The following PPM1A variants were observed in gnomAD, a reference collection of about 807,000 sequenced individuals.
PPM1A encodes protein phosphatase 1A.
In PPM1A, 7 loss-of-function variants were observed where a neutral mutation model predicts 35.0. The ratio of observed to expected loss-of-function variants is 0.20; its 90% confidence interval spans 0.11 to 0.38. PPM1A has a LOEUF of 0.38. PPM1A is among the 10% of genes least tolerant of loss of function. PPM1A has a pLI of 1.00. For synonymous variants in PPM1A, 153 were observed against 167.3 expected, an observed-to-expected ratio of 0.91 and a Z score of 0.66; for missense variants, 239 against 467.8, an observed-to-expected ratio of 0.51 and a Z score of 4.51.
upstream of PPM1A, among the ~76,000 whole-genome samples, chr14:60,247,159 A>T (rs1315395170): frequency 1.3e-5 from 2 of 152,184 alleles, no homozygotes; most frequent in Non-Finnish European, 2.9e-5. Context: ...ACTTGCCTGG[A>T]GTATTAAGGA....
intron 1 of PPM1A, among the ~76,000 whole-genome samples, chr14:60,274,480 C>T (rs974529327): frequency 1.3e-4 from 19 of 151,590 alleles, no homozygotes; most frequent in South Asian, 2.1e-4. Context: ...AGTCACACTC[C>T]AACTGAGAAA....
chr14:60,294,667 G>C lies in PPM1A; in HGVS notation c.*2185G>C, dbSNP rs944070237. The C allele has an allele frequency of 2.6e-5, 4 of 151,524 alleles. No individual in the cohort carries two copies. The highest frequency in any genetic ancestry group is 5.9e-5 in the Non-Finnish European group (4 of 67,748). 9.4% of individuals were successfully genotyped at this position (151,524 alleles called of 1,614,324 possible). A position where few individuals can be genotyped will look rare whatever the true frequency, so the allele number is the denominator to read the frequency against. ...ATGCAAAACTTAAGTCACAAGTAGA[G>C]TATGTGATGGAAAGCTGTATTTCAA... is the stretch of plus-strand genomic sequence containing the variant. On this transcript the variant is annotated 3_prime_UTR_variant, in exon 6 of 6. Transcript: ENST00000395076.
At chr14:60,264,901 C>T (rs1341650599) in intron 1 of PPM1A, among the ~76,000 whole-genome samples, 1 of 151,808 alleles carries the variant, frequency 6.6e-6, no homozygotes, top group East Asian at 1.9e-4. Context: ...ATTGTGGCTT[C>T]CTTTTAACAT....
At chr14:60,250,349 T>G in intron 1 of PPM1A, 1 of 792,688 alleles carries the variant, frequency 1.3e-6, no homozygotes. Context: ...TGTTAGAGCT[T>G]GGTTGAGGTA....
intron 1 of PPM1A, among the ~76,000 whole-genome samples, chr14:60,271,783 GT>G (rs760442840): frequency 8.2e-5 from 12 of 147,080 alleles, no homozygotes; most frequent in Admixed American, 1.4e-4. Flanking sequence ...AGAATAAGAG[GT>G]TTTTTTTTTA....
intron 1 of PPM1A, among the ~76,000 whole-genome samples, chr14:60,265,594 G>C (rs1595298519): frequency 6.6e-6 from 1 of 152,282 alleles, no homozygotes; most frequent in Middle Eastern, 3.4e-3. Flanking sequence ...AAATCCATTT[G>C]GTTGGAAGTT....
chr14:60,287,943 T>C, intron 3 of PPM1A: 1 of 985,232 alleles, frequency 1.0e-6, no homozygotes, highest in South Asian at 4.7e-5. Flanking sequence ...TTTGTGTATA[T>C]GTATGTGAAA....
chr14:60,274,110 C>T (rs2139466712), intron 1 of PPM1A, among the ~76,000 whole-genome samples: 1 of 152,186 alleles, frequency 6.6e-6, no homozygotes, highest in South Asian at 2.1e-4. Flanking sequence ...TGTTTAATGG[C>T]TTGGGAGATG....
At position 60,282,570 on chromosome 14, in the gene PPM1A, G is replaced by C; in HGVS notation, c.-20-114G>C. 1 of 1,311,702 alleles carries C rather than the reference G, an allele frequency of 7.6e-7. No homozygotes were observed. The highest frequency in any genetic ancestry group is 1.5e-5 in the South Asian group (1 of 67,026). The allele number at this position is 1,311,702 out of a possible 1,614,324, so 81.3% of individuals were successfully genotyped here. ...CAAGTCAGCAACACAATGAATGTCT[G>C]CTTATCGCGAGTTGTGAATTCCCGC... On this transcript the variant is annotated intron_variant, in intron 1 of 5. Transcript: ENST00000395076. This position sits in a 1 kb window ranked among gnomAD's most constrained non-coding sequence, Gnocchi z 5.1.
intron 1 of PPM1A, among the ~76,000 whole-genome samples, chr14:60,255,169 TTTTTGTTTTGTTTTG>T (rs1327326200): frequency 1.9e-5 from 2 of 106,832 alleles, no homozygotes; most frequent in Non-Finnish European, 3.4e-5. Flanking sequence ...GTTTTTTTTT[TTTTTGTTTTGTTTTG>T]TTTTTGAGAC....
chr14:60,282,666 G>A lies in PPM1A; in HGVS notation c.-20-18G>A, dbSNP rs1041363154. ...TTATAAGACAGTTATTGACTTTCCT[G>A]TTTCTCTTCCTTTGCAGACCTAGAG... On this transcript the variant is annotated intron_variant, in intron 1 of 5. Transcript: ENST00000395076. This position sits in a 1 kb window ranked among gnomAD's most constrained non-coding sequence, Gnocchi z 5.1. 1.2e-6 allele frequency: 2 copies of A among 1,603,354 alleles called. No homozygotes were observed. Among genetic ancestry groups the A allele is most frequent in the Non-Finnish European group, 8.5e-7 (1 of 1,173,818 alleles).
chr14:60,264,917 A>T (rs1318047598), intron 1 of PPM1A, among the ~76,000 whole-genome samples: 1 of 151,864 alleles, frequency 6.6e-6, no homozygotes, highest in Non-Finnish European at 1.5e-5. Flanking sequence ...AACATTTGAA[A>T]TTATTTTCAG....
rs143413624 is a variant in PPM1A, at chr14:60,287,906, G to A, written c.953-1900G>A. ...CTGATAGAATCCCTGAAACTTGGTG[G>A]AGGGGAGTGGAAAGGAGCAGAATGT... On this transcript the variant is annotated intron_variant, in intron 3 of 5. Transcript: ENST00000395076. The A allele has an allele frequency of 4.5e-4, 444 of 985,296 alleles. 1 individual carries two copies. In the African/African-American group the frequency reaches 6.7e-3, roughly 15 times the overall value. The allele number at this position is 985,296 out of a possible 1,614,324, so 61.0% of individuals were successfully genotyped here.
At chr14:60,269,825 A>G (rs989902831) in intron 1 of PPM1A, among the ~76,000 whole-genome samples, 2 of 152,208 alleles carry the variant, frequency 1.3e-5, no homozygotes, top group African/African-American at 4.8e-5. Flanking sequence ...CTGGGATTAT[A>G]GGCGTGAGCC....
chr14:60,250,087 C>T (rs1303223981), intron 1 of PPM1A, among the ~76,000 whole-genome samples: 1 of 151,774 alleles, frequency 6.6e-6, no homozygotes. Context: ...CGCGCCGCCC[C>T]GGCTGTCCTG....
intron 1 of PPM1A, among the ~76,000 whole-genome samples, chr14:60,250,188 T>TA (rs1361860006): frequency 6.6e-6 from 1 of 152,132 alleles, no homozygotes; most frequent in African/African-American, 2.4e-5. Flanking sequence ...GCTTAAGGTT[T>TA]TACAGGGGGC....
At chr14:60,263,575 A>G (rs2139395647) in intron 1 of PPM1A, among the ~76,000 whole-genome samples, 1 of 152,256 alleles carries the variant, frequency 6.6e-6, no homozygotes, top group South Asian at 2.1e-4. Flanking sequence ...TGGATATAGC[A>G]TGTATAATGG....
chr14:60,288,954 G>A (rs1421954011), intron 3 of PPM1A, among the ~76,000 whole-genome samples: 1 of 152,124 alleles, frequency 6.6e-6, no homozygotes, highest in African/African-American at 2.4e-5. Context: ...AGGAATAGTT[G>A]TAGAGTTCTT....
chr14:60,286,588 T>G, intron 3 of PPM1A: 1 of 985,346 alleles, frequency 1.0e-6, no homozygotes, highest in Non-Finnish European at 1.2e-6. Context: ...GTCGTTAATT[T>G]GCACGTTAAA....
Sources: gnomAD v4.1 joint callset for allele counts (sites outside exome capture counted in the v4.1 genomes callset) on GRCh38, gnomAD v4.1.1 for gene constraint, Gnocchi (gnomAD v3.1) non-coding constraint, MANE v1.5 for transcripts, NCBI Gene and HGNC (gene_info 2026-07-23, HGNC 2026-07-21) for gene names.